Variants in TSPAN12 observed in about 807,000 individuals in gnomAD.
TSPAN12 encodes tetraspanin-12.
TSPAN12 carries 19 observed loss-of-function variants against 39.2 expected under a neutral mutation model. That is an observed-to-expected ratio of 0.49 (90% CI 0.34 to 0.71). The LOEUF is 0.71. TSPAN12 is among the 30% of genes least tolerant of loss of function. The probability of loss-of-function intolerance (pLI) is 0.01; values close to 1 mark genes in which losing one functional copy is unlikely to be tolerated. For synonymous variants in TSPAN12, 119 were observed against 124.8 expected (o/e 0.95, Z 0.31); for missense variants, 314 against 359.9 (o/e 0.87, Z 1.03).
At chr7:120,801,010 T>C (rs1039916982) in intron 7 of TSPAN12, among the ~76,000 whole-genome samples, 1 of 152,090 alleles carries the variant, frequency 6.6e-6, no homozygotes, top group African/African-American at 2.4e-5. Flanking sequence ...GGTCTAGAAC[T>C]CCTGACCACA....
chr7:120,857,570 A>C (rs1323816955), intron 1 of TSPAN12, among the ~76,000 whole-genome samples: 1 of 152,036 alleles, frequency 6.6e-6, no homozygotes, highest in Non-Finnish European at 1.5e-5. Context: ...TTAGTCATTC[A>C]AACCCCGCTT....
chr7:120,841,524 CA>C (rs1241270948), intron 2 of TSPAN12, among the ~76,000 whole-genome samples: 10 of 152,038 alleles, frequency 6.6e-5, no homozygotes, highest in Admixed American at 2.0e-4. Context: ...CCGATTCAAA[CA>C]AATCAACTAC....
intron 4 of TSPAN12, among the ~76,000 whole-genome samples, chr7:120,818,460 C>T (rs1032268253): frequency 4.0e-5 from 6 of 151,810 alleles, no homozygotes; most frequent in African/African-American, 1.5e-4. Context: ...GGATTGTGAG[C>T]CATTAGCATT....
At chr7:120,843,262 A>G (rs571729256) in intron 2 of TSPAN12, among the ~76,000 whole-genome samples, 1 of 152,350 alleles carries the variant, frequency 6.6e-6, no homozygotes, top group South Asian at 2.1e-4. Flanking sequence ...CTTTTGATGC[A>G]TTAACATCTG....
intron 7 of TSPAN12, among the ~76,000 whole-genome samples, chr7:120,801,517 A>C (rs1352504965): frequency 6.6e-6 from 1 of 152,226 alleles, no homozygotes; most frequent in Non-Finnish European, 1.5e-5. Flanking sequence ...CAGCCCTTAC[A>C]TAAATCTGTG....
intron 2 of TSPAN12, among the ~76,000 whole-genome samples, chr7:120,844,243 G>A (rs976602911): frequency 3.9e-5 from 6 of 152,092 alleles, no homozygotes; most frequent in African/African-American, 1.4e-4. Flanking sequence ...ATCACAATTC[G>A]ACATGAGATT....
At position 120,789,427 on chromosome 7, in the gene TSPAN12, G is replaced by A. The variant is rs545254988; in HGVS notation, c.613-530C>T. Among the ~76,000 whole-genome samples, 230 of 152,332 alleles carry A rather than the reference G, an allele frequency of 1.5e-3. 1 individual carries two copies. The highest frequency in any genetic ancestry group is 2.3e-3 in the Non-Finnish European group (156 of 68,036). ...TAATACTTAACACCGGTTTGGTAAA[G>A]TCGCTTCTCTGGCCGCCTTAACCTA... On this transcript the variant is annotated intron_variant, in intron 7 of 7. Transcript: ENST00000222747.
At chr7:120,815,592 G>T in intron 5 of TSPAN12, 137 bp downstream of exon 5, 1 of 820,368 alleles carries the variant, frequency 1.2e-6, no homozygotes, top group South Asian at 1.5e-5. Flanking sequence ...CAGCCATGCT[G>T]AACTGTGAGT....
rs186830362 is a variant in TSPAN12 at position 120,854,836 on chromosome 7, G to A, written c.66+1862C>T. Among the ~76,000 whole-genome samples, 45 of 152,234 alleles carry A rather than the reference G, an allele frequency of 3.0e-4. 1 individual carries two copies. In the East Asian group the frequency reaches 4.2e-3, roughly 14 times the overall value. The stretch of plus-strand genomic sequence containing the variant: ...TTAACCTGGATTATTTTGTTGAAGC[G>A]TAGGTGATATTGGGAGAAGAGGAGG... On this transcript the variant is annotated intron_variant, in intron 2 of 7. Coordinates refer to ENST00000222747, the MANE Select transcript of TSPAN12 (RefSeq NM_012338.4).
chr7:120,790,629 T>C (rs1025463980), intron 7 of TSPAN12, among the ~76,000 whole-genome samples: 13 of 152,222 alleles, frequency 8.5e-5, no homozygotes, highest in African/African-American at 2.7e-4. Context: ...TGAGTACTTC[T>C]GCACAGAGCA....
In TSPAN12 at chr7:120,812,497, A is replaced by G. The variant is rs1794001156; in HGVS notation, c.361-1927T>C. On this transcript the variant is annotated intron_variant, in intron 5 of 7. Transcript: ENST00000222747. ...GGCTCCAACAGAACTAGAGATTAGG[A>G]TTATTATGAAATCTTATTTTTTAAG... Among the ~76,000 whole-genome samples the G allele has an allele frequency of 2.0e-5, 3 of 152,220 alleles. No individual in the cohort carries two copies. In the South Asian group the frequency reaches 6.2e-4, roughly 31 times the overall value.
rs1198861417 is a variant in TSPAN12 at position 120,815,716 on chromosome 7, A to G, written c.360+13T>C. The stretch of plus-strand genomic sequence containing the variant: ...GTTGTTTTAGATTGTGATTATATCT[A>G]TTTTGAACTCACCATAAGTTCCTGT... On this transcript the variant is annotated intron_variant, in intron 5 of 7. Coordinates refer to ENST00000222747, the MANE Select transcript of TSPAN12 (RefSeq NM_012338.4). 2 of 1,608,384 alleles carry G rather than the reference A, an allele frequency of 1.2e-6. No homozygotes were observed. Among genetic ancestry groups the G allele is most frequent in the Non-Finnish European group, 1.7e-6 (2 of 1,176,226 alleles).
At position 120,810,570 on chromosome 7, in the gene TSPAN12, C is replaced by T. The variant is rs1423961303; in HGVS notation, c.361G>A (p.Val121Ile). The change falls in exon 6 of 8, where the codon GTT becomes ATT. Residue 121 changes from valine (V) to isoleucine (I), a missense_variant and splice_region_variant. Val to Ile is a conservative substitution (Grantham distance 29). Coordinates refer to ENST00000222747, the MANE Select transcript of TSPAN12 (RefSeq NM_012338.4). Reference sequence around the variant, plus strand: ...ACCATATCTGACCATTGTACTGGAACCTGGTGATAAAAAGCAAAATATCAA... The same window carrying T: ...ACCATATCTGACCATTGTACTGGAATCTGGTGATAAAAAGCAAAATATCAA... Reference protein sequence around the residue: ...GVWTYEQELMVPVQWSDMVTL... With the variant: ...GVWTYEQELMIPVQWSDMVTL... 1.9e-6 allele frequency: 3 copies of T among 1,609,588 alleles called. No individual in the cohort carries two copies. The highest frequency in any genetic ancestry group is 2.5e-6 in the Non-Finnish European group (3 of 1,176,614).
At chr7:120,824,870 A>C (rs563161277) in intron 4 of TSPAN12, among the ~76,000 whole-genome samples, 26 of 152,316 alleles carry the variant, frequency 1.7e-4, no homozygotes, top group Non-Finnish European at 3.5e-4. Flanking sequence ...AACTTGGTAA[A>C]AGCAGTTGAA....
intron 4 of TSPAN12, among the ~76,000 whole-genome samples, chr7:120,827,449 G>A (rs909726982): frequency 6.6e-6 from 1 of 152,054 alleles, no homozygotes; most frequent in African/African-American, 2.4e-5. Context: ...ATAATTATTT[G>A]TGAATGTTAC....
intron 2 of TSPAN12, among the ~76,000 whole-genome samples, chr7:120,853,982 A>G (rs1329981793): frequency 4.6e-5 from 7 of 152,204 alleles, no homozygotes; most frequent in African/African-American, 1.7e-4. Flanking sequence ...AACACTTAAA[A>G]TATAGGGCAA....
chr7:120,828,170 G>A (rs1343009104), intron 4 of TSPAN12, among the ~76,000 whole-genome samples: 2 of 152,034 alleles, frequency 1.3e-5, no homozygotes, highest in East Asian at 3.9e-4. Flanking sequence ...CATTAAAAAA[G>A]GTTATCAAAA....
chr7:120,794,199 TTA>T (rs1487171296), intron 7 of TSPAN12, among the ~76,000 whole-genome samples: 1 of 152,214 alleles, frequency 6.6e-6, no homozygotes, highest in Non-Finnish European at 1.5e-5. Context: ...CAGAGTGTAA[TTA>T]TATAAGTAAA....
intron 5 of TSPAN12, among the ~76,000 whole-genome samples, chr7:120,814,840 TGA>T (rs1794049902): frequency 6.6e-6 from 1 of 152,202 alleles, no homozygotes; most frequent in African/African-American, 2.4e-5. Context: ...TGTGGAACTG[TGA>T]GAGTGTTTCT....
Sources: gnomAD v4.1 joint callset for allele counts (sites outside exome capture counted in the v4.1 genomes callset) on GRCh38, gnomAD v4.1.1 for gene constraint, MANE v1.5 for transcripts, NCBI Gene and HGNC (gene_info 2026-07-23, HGNC 2026-07-21) for gene names.